SH3TC1: variants seen among roughly 807,000 people sequenced by gnomAD.
SH3TC1 encodes SH3 domain and tetratricopeptide repeats 1.
SH3TC1 carries 135 observed loss-of-function variants against 117.3 expected under a neutral mutation model. That is an observed-to-expected ratio of 1.15 (90% CI 1.00 to 1.33). The LOEUF is 1.33. Among genes scored for constraint, SH3TC1 ranks in the 40% most tolerant of loss-of-function variants. SH3TC1 has a pLI of 0.00. For missense variants in SH3TC1, 2,092 were observed against 1,794.3 expected (o/e 1.17, Z -3.00); for synonymous variants, 898 against 816.9 (o/e 1.10, Z -1.69).
chr4:8,234,660 A>C (rs995898658), intron 14 of SH3TC1, among the ~76,000 whole-genome samples: 1 of 152,158 alleles, frequency 6.6e-6, no homozygotes, highest in Non-Finnish European at 1.5e-5. Context: ...TTCCTAAGCC[A>C]CTGCTGAGCA....
At chr4:8,200,187 A>AG (rs1717738252) in intron 1 of SH3TC1, among the ~76,000 whole-genome samples, 1 of 152,198 alleles carries the variant, frequency 6.6e-6, no homozygotes, top group Admixed American at 6.5e-5. Context: ...TGCCAGGGCC[A>AG]GGGGCAGCCT....
chr4:8,230,142 TTG>T (rs1336381500), intron 12 of SH3TC1, among the ~76,000 whole-genome samples: 1 of 152,174 alleles, frequency 6.6e-6, no homozygotes. Flanking sequence ...TTTTGGTAGT[TTG>T]TGTCTTTCTA....
chr4:8,191,402 G>A (rs958141340), intron 1 of SH3TC1, among the ~76,000 whole-genome samples: 1 of 152,218 alleles, frequency 6.6e-6, no homozygotes, highest in African/African-American at 2.4e-5. Context: ...CATCCGGCTG[G>A]GGTGGCCATC....
chr4:8,187,714 T>C (rs545486045), intron 1 of SH3TC1, among the ~76,000 whole-genome samples: 1 of 151,904 alleles, frequency 6.6e-6, no homozygotes, highest in South Asian at 2.1e-4. Flanking sequence ...ACCGCGCCCA[T>C]CTAATTTTTG....
chr4:8,205,497 C>A lies in SH3TC1; in HGVS notation c.172+131C>A. On this transcript the variant is annotated intron_variant, in intron 2 of 17. Transcript: ENST00000245105. The surrounding 1 kb of genome is among the most constrained non-coding windows in gnomAD (Gnocchi z 5.4). ...TGGGGCTGGGGCTGGAGTCTGCTCT[C>A]CATCACTTCTCGTTTCCTTCCCCCG... 1 of 1,236,762 alleles carries A rather than the reference C, an allele frequency of 8.1e-7. No individual in the cohort carries two copies. Among genetic ancestry groups the A allele is most frequent in the Non-Finnish European group, 1.2e-6 (1 of 843,000 alleles). 76.6% of individuals were successfully genotyped at this position (1,236,762 alleles called of 1,614,324 possible).
intron 1 of SH3TC1, among the ~76,000 whole-genome samples, chr4:8,200,856 G>C (rs2152976657): frequency 6.6e-6 from 1 of 152,336 alleles, no homozygotes; most frequent in East Asian, 1.9e-4. Flanking sequence ...TGGTCACATG[G>C]CCTCCTGCCC....
rs927461703 is a variant in SH3TC1, at chr4:8,215,981, A to C, written c.482-130A>C. The C allele has an allele frequency of 6.1e-6, 7 of 1,138,966 alleles. No individual in the cohort carries two copies. In the African/African-American group the frequency reaches 6.2e-5, roughly 10 times the overall value. The allele number at this position is 1,138,966 out of a possible 1,614,324, so 70.6% of individuals were successfully genotyped here. On this transcript the variant is annotated intron_variant, in intron 5 of 17. Coordinates refer to ENST00000245105, the MANE Select transcript of SH3TC1 (RefSeq NM_018986.5). ...GCCAGCACTGTGGGCACCCCAGGGC[A>C]GGTGGGTGTCTTCCATGGTCTCCCT...
intron 17 of SH3TC1, among the ~76,000 whole-genome samples, 157 bp from the exon 18 acceptor site, chr4:8,240,541 C>T (rs757418688): frequency 6.6e-4 from 100 of 152,212 alleles, no homozygotes; most frequent in Non-Finnish European, 1.1e-3. Flanking sequence ...GCCGTCTCCA[C>T]CTCCTGCAGC....
chr4:8,204,610 C>G (rs925405359), intron 1 of SH3TC1, among the ~76,000 whole-genome samples: 3 of 152,234 alleles, frequency 2.0e-5, no homozygotes, highest in Non-Finnish European at 4.4e-5. Context: ...ATTAGCGCCT[C>G]TGTCTGAGGC....
intron 4 of SH3TC1, among the ~76,000 whole-genome samples, chr4:8,214,050 G>A (rs1171184246): frequency 6.6e-6 from 1 of 152,214 alleles, no homozygotes; most frequent in Non-Finnish European, 1.5e-5. Context: ...GAAATCAGAG[G>A]AGAGGGGATG....
Position 8,205,601 on chromosome 4 carries a change from G to A in SH3TC1, c.172+235G>A, listed in dbSNP as rs749206818. Reference sequence around the variant, plus strand: ...CCAGCTCGTGTTTTTCCAGGGACGCGTCAGTGATAACAAAACTGGCAAAGA... The same window carrying A: ...CCAGCTCGTGTTTTTCCAGGGACGCATCAGTGATAACAAAACTGGCAAAGA... On this transcript the variant is annotated intron_variant, in intron 2 of 17. Coordinates refer to ENST00000245105, the MANE Select transcript of SH3TC1 (RefSeq NM_018986.5). This position sits in a 1 kb window ranked among gnomAD's most constrained non-coding sequence, Gnocchi z 5.4. 3.6e-5 allele frequency: 28 copies of A among 775,238 alleles called. No homozygotes were observed. The highest frequency in any genetic ancestry group is 1.9e-4 in the African/African-American group (11 of 59,274). 48.0% of individuals were successfully genotyped at this position (775,238 alleles called of 1,614,324 possible). A position where few individuals can be genotyped will look rare whatever the true frequency, so the allele number is the denominator to read the frequency against.
Position 8,232,150 on chromosome 4 carries a change from C to G in SH3TC1, c.3125C>G (p.Thr1042Ser). The G allele has an allele frequency of 6.6e-7, 1 of 1,514,096 alleles. No homozygotes were observed. Among genetic ancestry groups the G allele is most frequent in the Non-Finnish European group, 8.8e-7 (1 of 1,132,302 alleles). 93.8% of individuals were successfully genotyped at this position (1,514,096 alleles called of 1,614,324 possible). Residue 1042 changes from threonine to serine, a missense_variant, in exon 13 of 18, where the codon ACC (threonine) becomes AGC (serine). Coordinates refer to ENST00000245105, the MANE Select transcript of SH3TC1 (RefSeq NM_018986.5). ...TISQLYLSLG[T>S]ERAYKSALDY... ...AGCCAGCTCTACCTGTCCCTGGGCA[C>G]CGAGCGGTGAGGGCTGGCTCTGTGG...
At chr4:8,214,669 G>T in intron 5 of SH3TC1, 89 bp downstream of exon 5, 1 of 976,394 alleles carries the variant, frequency 1.0e-6, no homozygotes, top group Non-Finnish European at 1.6e-6. Flanking sequence ...ACAAACTGGT[G>T]CTTTGTTTAT....
At chr4:8,214,390 T>A in intron 4 of SH3TC1, 85 bp from the exon 5 acceptor site, 1 of 1,282,050 alleles carries the variant, frequency 7.8e-7, no homozygotes. Context: ...ATCTGCAAGA[T>A]GTCTCTGTCA....
At chr4:8,199,760 A>T (rs971489779) in intron 1 of SH3TC1, among the ~76,000 whole-genome samples, 1 of 152,178 alleles carries the variant, frequency 6.6e-6, no homozygotes, top group East Asian at 1.9e-4. Context: ...TTCCAAGTCC[A>T]GCGGATCTCA....
chr4:8,223,346 G>A (rs1172159841), intron 10 of SH3TC1, among the ~76,000 whole-genome samples: 1 of 152,270 alleles, frequency 6.6e-6, no homozygotes, highest in Admixed American at 6.5e-5. Context: ...TTGCCTGGGT[G>A]AGAGTGACTT....
In SH3TC1 at chr4:8,217,071, C is replaced by A; in HGVS notation, c.743C>A (p.Ala248Glu). The A allele has an allele frequency of 6.2e-7, 1 of 1,612,390 alleles. No individual in the cohort carries two copies. The highest frequency in any genetic ancestry group is 1.1e-5 in the South Asian group (1 of 90,890). Reference sequence around the variant, plus strand: ...GCTTCGGGGGCACCCCAGGGAGAGGCGGCCCCGGAAACAGACTCTTCACCG... The same window carrying A: ...GCTTCGGGGGCACCCCAGGGAGAGGAGGCCCCGGAAACAGACTCTTCACCG... The part of the protein sequence containing the change: ...RQASGAPQGE[A>E]APETDSSPPS... Residue 248 changes from alanine to glutamate, a missense_variant, in exon 7 of 18, where the codon GCG becomes GAG. Transcript: ENST00000245105.
Position 8,227,441 on chromosome 4 carries a change from T to C in SH3TC1, c.1747T>C (p.Phe583Leu), listed in dbSNP as rs1186334834. ...CAAGCTGTCCCAGGCCCGGGTGTAC[T>C]TTGAGGAAGCGCTGGGGGCCCTGGA... Reference protein sequence around the residue: ...RLKLSQARVYFEEALGALEGS... With the variant: ...RLKLSQARVYLEEALGALEGS... Residue 583 changes from phenylalanine to leucine, a missense_variant, in exon 12 of 18, where the codon TTT (phenylalanine) becomes CTT (leucine). Physicochemically the swap from Phe to Leu is conservative, Grantham distance 22 (BLOSUM62 0). Coordinates refer to ENST00000245105, the MANE Select transcript of SH3TC1 (RefSeq NM_018986.5). The C allele has an allele frequency of 1.3e-6, 2 of 1,560,104 alleles. No homozygotes were observed. The highest frequency in any genetic ancestry group is 1.7e-6 in the Non-Finnish European group (2 of 1,157,340).
intron 3 of SH3TC1, among the ~76,000 whole-genome samples, chr4:8,212,048 G>A (rs1461474308): frequency 1.3e-5 from 2 of 152,062 alleles, no homozygotes; most frequent in African/African-American, 4.8e-5. Flanking sequence ...GGGGTGGGGG[G>A]TGGAGCCCAT....
Sources: allele counts gnomAD v4.1 joint callset (sites outside exome capture counted in the v4.1 genomes callset), GRCh38; gene constraint gnomAD v4.1.1; non-coding constraint Gnocchi (gnomAD v3.1); transcripts MANE v1.5; gene names NCBI Gene and HGNC (gene_info 2026-07-23, HGNC 2026-07-21).